UEVLD: variants seen among roughly 807,000 people sequenced by gnomAD.
UEVLD encodes the protein UEV and lactate/malate dehyrogenase domains.
In UEVLD, 47 loss-of-function variants were observed where a neutral mutation model predicts 58.6. The ratio of observed to expected loss-of-function variants is 0.80; its 90% confidence interval spans 0.63 to 1.02. UEVLD has a LOEUF of 1.02. Among genes scored for constraint, UEVLD ranks in the 50% least tolerant of loss-of-function variants. The probability of loss-of-function intolerance (pLI) is 0.00; values close to 1 mark genes in which losing one functional copy is unlikely to be tolerated. For synonymous variants in UEVLD, 197 were observed against 195.3 expected, an observed-to-expected ratio of 1.01 and a Z score of -0.07; for missense variants, 510 against 550.6, an observed-to-expected ratio of 0.93 and a Z score of 0.74.
chr11:18,540,655 T>C (rs1012352624), intron 9 of UEVLD, among the ~76,000 whole-genome samples: 5 of 152,234 alleles, frequency 3.3e-5, no homozygotes, highest in African/African-American at 1.2e-4. Flanking sequence ...TGGCATTATG[T>C]GTGTCAAATA....
At chr11:18,571,326 A>G (rs937342659) in intron 3 of UEVLD, among the ~76,000 whole-genome samples, 1 of 152,144 alleles carries the variant, frequency 6.6e-6, no homozygotes, top group Non-Finnish European at 1.5e-5. Context: ...CAGCCAGGTG[A>G]CAGCGCAAGA....
At chr11:18,574,583 CAGG>C (rs1852803091) in intron 3 of UEVLD, among the ~76,000 whole-genome samples, 1 of 152,186 alleles carries the variant, frequency 6.6e-6, no homozygotes, top group Non-Finnish European at 1.5e-5. Context: ...TTGATGAACA[CAGG>C]AGAAGTAGGT....
chr11:18,552,529 C>T (rs552353103), intron 7 of UEVLD, among the ~76,000 whole-genome samples: 24 of 150,936 alleles, frequency 1.6e-4, no homozygotes, highest in Admixed American at 7.3e-4. Context: ...CCTGAGCAAC[C>T]GAGCGAGACT....
At chr11:18,555,796 T>G (rs1320227884) in intron 7 of UEVLD, among the ~76,000 whole-genome samples, 3 of 150,942 alleles carry the variant, frequency 2.0e-5, no homozygotes, top group Non-Finnish European at 3.0e-5. Context: ...AAAATGAAAA[T>G]AAATTAGCCA....
chr11:18,532,302 T>C lies in UEVLD; in HGVS notation c.*18A>G. ...TCCCTTTAGGTAGAAGTCCAGCCTC[T>C]CAAATTGCATTTGAGAATCAAAGTT... On this transcript the variant is annotated 3_prime_UTR_variant, in exon 12 of 12. Transcript: ENST00000396197. 1.3e-6 allele frequency: 2 copies of C among 1,588,394 alleles called. No homozygotes were observed. Among genetic ancestry groups the C allele is most frequent in the East Asian group, 2.3e-5 (1 of 43,942 alleles).
At chr11:18,565,840 T>C (rs1048818044) in intron 5 of UEVLD, among the ~76,000 whole-genome samples, 2 of 150,788 alleles carry the variant, frequency 1.3e-5, no homozygotes, top group African/African-American at 4.9e-5. Context: ...AAATAAATAA[T>C]ATTTATTGGA....
chr11:18,578,491 C>T (rs931890281), intron 2 of UEVLD, among the ~76,000 whole-genome samples: 7 of 152,126 alleles, frequency 4.6e-5, no homozygotes, highest in Admixed American at 1.3e-4. Flanking sequence ...ACACAGTAAA[C>T]GTGTGTTTTT....
Position 18,547,113 on chromosome 11 carries a change from G to C in UEVLD, c.716-63C>G, listed in dbSNP as rs1257962801. 4 of 1,518,488 alleles carry C rather than the reference G, an allele frequency of 2.6e-6. No homozygotes were observed. The East Asian group carries it at 6.9e-5, about 26-fold the overall frequency. The allele number at this position is 1,518,488 out of a possible 1,614,324, so 94.1% of individuals were successfully genotyped here. A position where few individuals can be genotyped will look rare whatever the true frequency, so the allele number is the denominator to read the frequency against. On this transcript the variant is annotated intron_variant, in intron 7 of 11. Coordinates refer to ENST00000396197, the MANE Select transcript of UEVLD (RefSeq NM_001040697.4). ...AGGCTTTAATCAAGTTCTAGTTCACGATTAAAAGGTTGTTCTTTTCAACAA... is the reference window on the plus strand; with the variant it reads ...AGGCTTTAATCAAGTTCTAGTTCACCATTAAAAGGTTGTTCTTTTCAACAA...
rs768057259 is a variant in UEVLD, at chr11:18,544,640, TCGC to T, written c.1040_1042del (p.Gly347del). Reference sequence around the variant, plus strand: ...CTTCTTACCTTTGTCTTCTCCTTGCTCGCCAATAACCCATACTTCTTTGCCTGA... The same window carrying T: ...CTTCTTACCTTTGTCTTCTCCTTGCTCAATAACCCATACTTCTTTGCCTGA... On this transcript the variant is annotated inframe_deletion, in exon 9 of 12. Transcript: ENST00000396197. 6 of 1,594,026 alleles carry T rather than the reference TCGC, an allele frequency of 3.8e-6. No homozygotes were observed. The highest frequency in any genetic ancestry group is 5.1e-6 in the Non-Finnish European group (6 of 1,173,308).
Position 18,531,220 on chromosome 11 carries a change from C to T in UEVLD, c.*1100G>A, listed in dbSNP as rs1027445410. On this transcript the variant is annotated 3_prime_UTR_variant, in exon 12 of 12. Transcript: ENST00000396197. ...AGCCAAGACTTCTTGAGGACTAAAC[C>T]TCAATTTCCTTTTATAAAATGATGA... 1.1e-4 allele frequency: 16 copies of T among 152,118 alleles called. No homozygotes were observed. The allele number at this position is 152,118 out of a possible 1,614,324, so 9.4% of individuals were successfully genotyped here. A position where few individuals can be genotyped will look rare whatever the true frequency, so the allele number is the denominator to read the frequency against.
intron 8 of UEVLD, 140 bp from the exon 9 acceptor site, chr11:18,544,936 A>G (rs957047454): frequency 6.4e-5 from 30 of 469,278 alleles, no homozygotes; most frequent in Non-Finnish European, 1.1e-4. Context: ...ATACACACAC[A>G]CATATATACA....
At chr11:18,543,704 T>G (rs1388345613) in intron 9 of UEVLD, among the ~76,000 whole-genome samples, 1 of 152,210 alleles carries the variant, frequency 6.6e-6, no homozygotes, top group African/African-American at 2.4e-5. Flanking sequence ...GAACAGCACT[T>G]AAATCACTGA....
Position 18,570,331 on chromosome 11 carries a change from G to T in UEVLD, c.240C>A (p.His80Gln), listed in dbSNP as rs1267499772. The change falls in exon 4 of 12, where the codon CAC becomes CAA. Residue 80 changes from histidine (H) to glutamine (Q), a missense_variant. By Grantham distance (24) the His-to-Gln change is conservative (BLOSUM62 0). Coordinates refer to ENST00000396197, the MANE Select transcript of UEVLD (RefSeq NM_001040697.4). ...AGAAGCAAATAGGGGGAGCGAAAGG[G>T]TGAGAATCCAAAATCCAGAAACGAA... ...IPIRFWILDSHPFAPPICFLK... is the reference protein window; with the variant it reads ...IPIRFWILDSQPFAPPICFLK... The T allele has an allele frequency of 1.3e-6, 2 of 1,577,064 alleles. No homozygotes were observed. Among genetic ancestry groups the T allele is most frequent in the Non-Finnish European group, 1.7e-6 (2 of 1,169,812 alleles).
At chr11:18,579,694 A>C (rs1336502929) in intron 1 of UEVLD, among the ~76,000 whole-genome samples, 1 of 152,172 alleles carries the variant, frequency 6.6e-6, no homozygotes, top group Non-Finnish European at 1.5e-5. Flanking sequence ...TAAATTCTTT[A>C]AGCTTATTTT....
intron 7 of UEVLD, among the ~76,000 whole-genome samples, chr11:18,557,539 T>TTTTTTTTC (rs1301748611): frequency 6.6e-6 from 1 of 151,152 alleles, no homozygotes; most frequent in Non-Finnish European, 1.5e-5. Context: ...GTAAACTGAA[T>TTTTTTTTC]TTTTTTTCTT....
intron 7 of UEVLD, among the ~76,000 whole-genome samples, chr11:18,551,414 C>CTTTATTTATCCATTTTCTGTGTGCTA (rs748654233): frequency 7.0e-6 from 1 of 143,856 alleles, no homozygotes; most frequent in East Asian, 2.0e-4. Context: ...CCGAGTAAGA[C>CTTTATTTATCCATTTTCTGTGTGCTA]TCCATCACAA....
chr11:18,574,288 C>T lies in UEVLD; in HGVS notation c.193+1059G>A, dbSNP rs147452593. Among the ~76,000 whole-genome samples, 742 of 152,234 alleles carry T rather than the reference C, an allele frequency of 4.9e-3. 6 individuals carry two copies. Among genetic ancestry groups the T allele is most frequent in the African/African-American group, 0.017 (717 of 41,542 alleles). On this transcript the variant is annotated intron_variant, in intron 3 of 11. Coordinates refer to ENST00000396197, the MANE Select transcript of UEVLD (RefSeq NM_001040697.4). ...TTCTGAGTAGCTGGGATTACAGGCA[C>T]GTGCCATCAGGCCTAATTTTTGTAT... is the stretch of plus-strand genomic sequence containing the variant.
chr11:18,537,671 A>ATTG (rs1374030641), intron 9 of UEVLD, among the ~76,000 whole-genome samples: 1 of 151,462 alleles, frequency 6.6e-6, no homozygotes, highest in African/African-American at 2.4e-5. Flanking sequence ...TATTATTATT[A>ATTG]TTATTATTTG....
chr11:18,579,372 G>A (rs147051183), intron 1 of UEVLD: 27 of 850,166 alleles, frequency 3.2e-5, no homozygotes, highest in African/African-American at 7.3e-5. Context: ...AGTGAAGCCC[G>A]AGCTCAAATC....
Sources: gnomAD v4.1 joint callset for allele counts (sites outside exome capture counted in the v4.1 genomes callset) on GRCh38, gnomAD v4.1.1 for gene constraint, MANE v1.5 for transcripts, NCBI Gene and HGNC (gene_info 2026-07-23, HGNC 2026-07-21) for gene names.